SBF2: variants seen among roughly 807,000 people sequenced by gnomAD.
The protein encoded by SBF2 is SET binding factor 2, also known as myotubularin-related protein 13.
In SBF2, 112 loss-of-function variants were observed where a neutral mutation model predicts 225.2. The ratio of observed to expected loss-of-function variants is 0.50; its 90% CI spans 0.43 to 0.58. SBF2 has a LOEUF of 0.58. Among genes scored for constraint, SBF2 ranks in the 20% least tolerant of loss-of-function variants. The pLI, the probability that SBF2 is intolerant of heterozygous loss-of-function variation, is 0.00. For synonymous variants in SBF2, 763 were observed against 773.3 expected (o/e 0.99, Z 0.22); for missense variants, 1,996 against 2,206.2 (o/e 0.90, Z 1.91).
intron 25 of SBF2, 143 bp downstream of exon 25, chr11:9,842,482 G>T (rs1000252221): frequency 5.2e-6 from 4 of 774,566 alleles, no homozygotes; most frequent in Non-Finnish European, 8.5e-6. Context: ...TTTTCCCCCA[G>T]TTCTAAGAAG....
chr11:10,036,483 A>G (rs1038725131), intron 3 of SBF2, among the ~76,000 whole-genome samples: 1 of 152,224 alleles, frequency 6.6e-6, no homozygotes, highest in Non-Finnish European at 1.5e-5. Flanking sequence ...AATTTAAAGT[A>G]TATCTGCTAT....
chr11:9,846,644 T>C (rs1346565651), intron 23 of SBF2, among the ~76,000 whole-genome samples: 1 of 152,234 alleles, frequency 6.6e-6, no homozygotes, highest in African/African-American at 2.4e-5. Flanking sequence ...TTGCTTTTTA[T>C]CTAAAGGCTT....
intron 16 of SBF2, among the ~76,000 whole-genome samples, chr11:9,919,005 G>A (rs1863356993): frequency 6.6e-6 from 1 of 152,086 alleles, no homozygotes; most frequent in South Asian, 2.1e-4. Flanking sequence ...GCCTCCCAAA[G>A]TGCTGGGATT....
chr11:10,087,958 G>A (rs770736271), intron 2 of SBF2, among the ~76,000 whole-genome samples: 4 of 151,976 alleles, frequency 2.6e-5, no homozygotes, highest in African/African-American at 7.3e-5. Context: ...CTTAATATGT[G>A]GTAGGTTCTG....
intron 1 of SBF2, among the ~76,000 whole-genome samples, chr11:10,225,096 T>C (rs1321742586): frequency 6.6e-6 from 1 of 152,148 alleles, no homozygotes. Flanking sequence ...TGTATTTTTA[T>C]TAAAAATAAA....
Position 10,294,027 on chromosome 11 carries a change from G to A in SBF2, c.43C>T (p.His15Tyr), listed in dbSNP as rs1324706227. Residue 15 changes from histidine (H) to tyrosine (Y), a missense_variant, in exon 1 of 40, where the codon CAC (histidine) becomes TAC (tyrosine). Transcript: ENST00000256190. ...ADYFIVVGYD[H>Y]EKPGSGEGLG... ...CCCACACCCTTACCTGGCTTCTCGT[G>A]GTCATAGCCTACCACGATGAAGTAG... 7.1e-7 allele frequency: 1 copy of A among 1,404,416 alleles called. No individual in the cohort carries two copies. Among genetic ancestry groups the A allele is most frequent in the South Asian group, 1.6e-5 (1 of 63,832 alleles). The allele number at this position is 1,404,416 out of a possible 1,614,324, so 87.0% of individuals were successfully genotyped here.
At chr11:10,289,096 G>A (rs1011364910) in intron 1 of SBF2, among the ~76,000 whole-genome samples, 3 of 152,236 alleles carry the variant, frequency 2.0e-5, no homozygotes, top group African/African-American at 7.2e-5. Context: ...AGGAGGCAGG[G>A]GCCCAGTGTG....
chr11:10,196,866 A>ATATATATATTTT, intron 1 of SBF2, among the ~76,000 whole-genome samples: 28 of 99,314 alleles, frequency 2.8e-4, no homozygotes, highest in African/African-American at 1.1e-3. Context: ...ATATATATAT[A>ATATATATATTTT]TTTTTTTTTT....
chr11:9,872,738 G>T (rs1858882910), intron 17 of SBF2, among the ~76,000 whole-genome samples: 1 of 152,046 alleles, frequency 6.6e-6, no homozygotes, highest in South Asian at 2.1e-4. Context: ...ATTTTTGGCT[G>T]GGTGCAATGG....
At chr11:9,781,167 C>T (rs759268993) in intron 39 of SBF2, among the ~76,000 whole-genome samples, 3 of 152,188 alleles carry the variant, frequency 2.0e-5, no homozygotes, top group Non-Finnish European at 2.9e-5. Context: ...TAGTCAAGCA[C>T]GAAGACCACT....
At chr11:9,853,009 G>T (rs1442979157) in intron 20 of SBF2, among the ~76,000 whole-genome samples, 2 of 152,130 alleles carry the variant, frequency 1.3e-5, no homozygotes, top group African/African-American at 4.8e-5. Flanking sequence ...TAACTCAAAT[G>T]TCCATCAACA....
intron 2 of SBF2, among the ~76,000 whole-genome samples, chr11:10,173,824 A>G (rs1300012823): frequency 6.6e-6 from 1 of 150,930 alleles, no homozygotes; most frequent in Non-Finnish European, 1.5e-5. Context: ...GAGAACAGGC[A>G]GACTGCCTCC....
intron 2 of SBF2, among the ~76,000 whole-genome samples, chr11:10,087,237 C>T (rs11042618): frequency 0.2 from 30,319 of 151,990 alleles, 3,902 homozygotes; most frequent in Non-Finnish European, 0.29. Context: ...ATCTTCTCCT[C>T]CAGGCTGCTT....
chr11:10,063,441 C>A (rs911438524), intron 2 of SBF2, among the ~76,000 whole-genome samples: 4 of 150,906 alleles, frequency 2.7e-5, no homozygotes, highest in African/African-American at 9.7e-5. Context: ...CACTGCAAGC[C>A]CTGCCTCCTA....
chr11:10,139,251 T>C (rs974165859), intron 2 of SBF2, among the ~76,000 whole-genome samples: 7 of 152,220 alleles, frequency 4.6e-5, no homozygotes, highest in Admixed American at 2.0e-4. Flanking sequence ...CACTCTATCA[T>C]ATACAAAGGA....
chr11:10,221,343 C>T (rs1397140564), intron 1 of SBF2, among the ~76,000 whole-genome samples: 1 of 152,136 alleles, frequency 6.6e-6, no homozygotes, highest in Non-Finnish European at 1.5e-5. Context: ...GTCTCAAACT[C>T]CTGACCTTAA....
chr11:9,790,488 T>C lies in SBF2; in HGVS notation c.4698+68A>G, dbSNP rs573465711. Reference sequence around the variant, plus strand: ...ATAAAAAGCTTAAACTGCTTATATATGTTAAAACTAAGGAAAACCTTAACA... The same window carrying C: ...ATAAAAAGCTTAAACTGCTTATATACGTTAAAACTAAGGAAAACCTTAACA... On this transcript the variant is annotated intron_variant, in intron 34 of 39. Transcript: ENST00000256190. 8.8e-6 allele frequency: 12 copies of C among 1,360,634 alleles called. No individual in the cohort carries two copies. In the South Asian group the frequency reaches 9.9e-5, roughly 11 times the overall value. 84.3% of individuals were successfully genotyped at this position (1,360,634 alleles called of 1,614,324 possible). A position where few individuals can be genotyped will look rare whatever the true frequency, so the allele number is the denominator to read the frequency against.
chr11:9,893,281 G>A (rs1195241019), intron 17 of SBF2, among the ~76,000 whole-genome samples: 1 of 152,040 alleles, frequency 6.6e-6, no homozygotes, highest in Non-Finnish European at 1.5e-5. Flanking sequence ...TTTTCCAAAG[G>A]GTAAAGATTT....
intron 13 of SBF2, among the ~76,000 whole-genome samples, chr11:9,973,724 G>T (rs1047592030): frequency 6.6e-6 from 1 of 152,052 alleles, no homozygotes; most frequent in Non-Finnish European, 1.5e-5. Context: ...ATGCCTAGGG[G>T]TTACAGAATA....
Sources: allele counts gnomAD v4.1 joint callset (sites outside exome capture counted in the v4.1 genomes callset), GRCh38; gene constraint gnomAD v4.1.1; transcripts MANE v1.5; gene names NCBI Gene and HGNC (gene_info 2026-07-23, HGNC 2026-07-21).